RORA: variants seen among roughly 807,000 people sequenced by gnomAD.
RORA encodes the protein nuclear receptor ROR-alpha.
RORA carries 7 observed loss-of-function variants against 69.5 expected under a neutral mutation model. The observed-to-expected ratio is 0.10, with a 90% CI of 0.06 to 0.19. RORA has a LOEUF of 0.19. Ranked by LOEUF, RORA falls within the 10% of genes least tolerant of loss-of-function variation. The probability of loss-of-function intolerance (pLI) is 1.00; values close to 1 mark genes in which losing one functional copy is unlikely to be tolerated. For missense variants in RORA, 457 were observed against 663.0 expected (o/e 0.69, Z 3.41); for synonymous variants, 261 against 240.8 (o/e 1.08, Z -0.78).
intron 1 of RORA, among the ~76,000 whole-genome samples, chr15:61,156,186 CAGAGGAAAAG>C (rs1463571701): frequency 6.6e-6 from 1 of 151,594 alleles, no homozygotes; most frequent in Non-Finnish European, 1.5e-5. Flanking sequence ...GAGCATAAAG[CAGAGGAAAAG>C]AGAGGAAAAC....
At chr15:60,943,927 A>AAAAAAAAAAAAAAAAAAC (rs1892783762) in intron 1 of RORA, among the ~76,000 whole-genome samples, 1 of 148,490 alleles carries the variant, frequency 6.7e-6, no homozygotes, top group Non-Finnish European at 1.5e-5. Context: ...AAAAAAAAAA[A>AAAAAAAAAAAAAAAAAAC]AAAAAAAAAA....
chr15:61,020,395 G>C (rs1216737077), intron 1 of RORA, among the ~76,000 whole-genome samples: 3 of 152,134 alleles, frequency 2.0e-5, no homozygotes, highest in Admixed American at 2.0e-4. Context: ...AATGGGGAAA[G>C]AAGAGCCAGG....
At chr15:60,887,765 T>C (rs1157843132) in intron 1 of RORA, among the ~76,000 whole-genome samples, 2 of 152,188 alleles carry the variant, frequency 1.3e-5, no homozygotes, top group Non-Finnish European at 2.9e-5. Flanking sequence ...GGGGCTGTCC[T>C]GCAAACACTG....
Position 61,110,277 on chromosome 15 carries a change from T to C in RORA, c.166+118776A>G, listed in dbSNP as rs981138016. 2.6e-5 allele frequency among the ~76,000 whole-genome samples: 4 copies of C among 151,972 alleles called. No homozygotes were observed. The South Asian group carries it at 8.3e-4, about 32-fold the overall frequency. On this transcript the variant is annotated intron_variant, in intron 1 of 10. Transcript: ENST00000335670. Reference sequence around the variant, plus strand: ...GGGGCATGGTGGTGCACACCTGTAGTCCCAGATACTAGGGAGGCTGAGGTG... The same window carrying C: ...GGGGCATGGTGGTGCACACCTGTAGCCCCAGATACTAGGGAGGCTGAGGTG...
chr15:60,666,743 A>T (rs2070388432), intron 2 of RORA, among the ~76,000 whole-genome samples: 1 of 152,196 alleles, frequency 6.6e-6, no homozygotes, highest in African/African-American at 2.4e-5. Flanking sequence ...AGGTATGCCC[A>T]TGCATGGAAT....
intron 1 of RORA, among the ~76,000 whole-genome samples, chr15:60,741,806 G>C (rs888641278): frequency 5.3e-5 from 8 of 152,072 alleles, no homozygotes; most frequent in African/African-American, 1.9e-4. Flanking sequence ...TATTCAAGTG[G>C]GAGGCCTCAA....
At chr15:60,888,350 C>A (rs981805821) in intron 1 of RORA, among the ~76,000 whole-genome samples, 3 of 152,132 alleles carry the variant, frequency 2.0e-5, no homozygotes. Flanking sequence ...GTCACCAGTC[C>A]CTGGAGAAGG....
chr15:60,895,341 A>T (rs2140461680), intron 1 of RORA, among the ~76,000 whole-genome samples: 1 of 152,344 alleles, frequency 6.6e-6, no homozygotes, highest in South Asian at 2.1e-4. Context: ...AAAAGAAAAA[A>T]AATTAGAAAA....
intron 1 of RORA, among the ~76,000 whole-genome samples, chr15:60,838,142 G>A (rs111658241): frequency 2.6e-5 from 4 of 152,226 alleles, no homozygotes; most frequent in African/African-American, 9.6e-5. Context: ...GGTGGGATGA[G>A]CTGTGTTCCC....
chr15:60,791,857 G>A (rs2072422461), intron 1 of RORA, among the ~76,000 whole-genome samples: 1 of 151,960 alleles, frequency 6.6e-6, no homozygotes, highest in Non-Finnish European at 1.5e-5. Context: ...CAGAATCTAG[G>A]GTCTCTGCAA....
At chr15:60,853,964 T>C (rs1415082168) in intron 1 of RORA, among the ~76,000 whole-genome samples, 1 of 152,168 alleles carries the variant, frequency 6.6e-6, no homozygotes, top group Non-Finnish European at 1.5e-5. Context: ...GAAAAGTTCT[T>C]AGTAAATGAT....
In RORA at chr15:61,128,079, G is replaced by A. The variant is rs1390476904; in HGVS notation, c.166+100974C>T. Among the ~76,000 whole-genome samples the A allele has an allele frequency of 6.6e-6, 1 of 152,030 alleles. No homozygotes were observed. Among genetic ancestry groups the A allele is most frequent in the Non-Finnish European group, 1.5e-5 (1 of 68,004 alleles). ...AAAAACAAGGGAAGGAGAAAGGGAG[G>A]GAAAATGCTTTTGGTTTCACACTGA... On this transcript the variant is annotated intron_variant, in intron 1 of 10. Transcript: ENST00000335670. The surrounding 1 kb of genome is among the most constrained non-coding windows in gnomAD (Gnocchi z 4.5).
intron 1 of RORA, among the ~76,000 whole-genome samples, chr15:60,766,403 G>A (rs2071992655): frequency 6.6e-6 from 1 of 152,126 alleles, no homozygotes; most frequent in South Asian, 2.1e-4. Context: ...TATACAAACT[G>A]GATATTCAAG....
chr15:60,807,399 C>T (rs762539211), intron 1 of RORA, among the ~76,000 whole-genome samples: 1 of 152,064 alleles, frequency 6.6e-6, no homozygotes, highest in Admixed American at 6.5e-5. Context: ...AAGAAAACTA[C>T]AAAACACTGC....
chr15:60,886,370 C>G (rs1013335780), intron 1 of RORA, among the ~76,000 whole-genome samples: 1 of 152,206 alleles, frequency 6.6e-6, no homozygotes, highest in Non-Finnish European at 1.5e-5. Context: ...CCCGGTCCTA[C>G]AGCTCACGAG....
chr15:61,008,501 TCTGATA>T (rs979055155), intron 1 of RORA, among the ~76,000 whole-genome samples: 1 of 152,056 alleles, frequency 6.6e-6, no homozygotes, highest in Non-Finnish European at 1.5e-5. Flanking sequence ...GAGGGTCATG[TCTGATA>T]CTGGGCTGTT....
intron 1 of RORA, among the ~76,000 whole-genome samples, chr15:60,727,454 C>A (rs533725178): frequency 1.3e-5 from 2 of 152,184 alleles, no homozygotes; most frequent in South Asian, 2.1e-4. Flanking sequence ...ATGGACTCTG[C>A]TCAAATCCCA....
At chr15:60,623,843 G>A (rs79718819) in intron 2 of RORA, among the ~76,000 whole-genome samples, 34 of 152,238 alleles carry the variant, frequency 2.2e-4, no homozygotes, top group African/African-American at 3.4e-4. Flanking sequence ...CCCAGGAGAC[G>A]CAGTTTGAGA....
chr15:60,595,697 AAAGT>A (rs1041535458), intron 2 of RORA, among the ~76,000 whole-genome samples: 8 of 149,476 alleles, frequency 5.4e-5, no homozygotes, highest in African/African-American at 2.1e-4. Context: ...AAAAAAAAAA[AAAGT>A]AAAGTAATAT....
Sources: allele counts gnomAD v4.1 joint callset (sites outside exome capture counted in the v4.1 genomes callset), GRCh38; gene constraint gnomAD v4.1.1; non-coding constraint Gnocchi (gnomAD v3.1); transcripts MANE v1.5; gene names NCBI Gene and HGNC (gene_info 2026-07-23, HGNC 2026-07-21).